USH2A: variants seen among roughly 807,000 people sequenced by gnomAD.
USH2A encodes Usher syndrome 2A (autosomal recessive, mild).
Under a neutral mutation model 538.9 loss-of-function variants are expected in USH2A, and 443 were observed. That is an observed-to-expected ratio of 0.82 (90% CI 0.76 to 0.89). The LOEUF is 0.89. Ranked by LOEUF, USH2A falls within the 40% of genes least tolerant of loss-of-function variation. The probability of loss-of-function intolerance (pLI) is 0.00; values close to 1 mark genes in which losing one functional copy is unlikely to be tolerated. For missense variants in USH2A, 6,633 were observed against 6,324.8 expected (o/e 1.05, Z -1.65); for synonymous variants, 2,413 against 2,273.5 (o/e 1.06, Z -1.75).
chr1:216,348,362 A>T (rs1031883189), intron 4 of USH2A, among the ~76,000 whole-genome samples: 1 of 152,138 alleles, frequency 6.6e-6, no homozygotes, highest in Non-Finnish European at 1.5e-5. Context: ...AACTGGTCAC[A>T]TTCTTTGTTT....
chr1:216,257,817 T>C (rs2036287504), intron 11 of USH2A, among the ~76,000 whole-genome samples: 1 of 152,060 alleles, frequency 6.6e-6, no homozygotes, highest in Non-Finnish European at 1.5e-5. Flanking sequence ...ATATATAACA[T>C]AAATGTTTTA....
chr1:215,760,687 C>T (rs571908518), intron 56 of USH2A, among the ~76,000 whole-genome samples: 10 of 152,268 alleles, frequency 6.6e-5, no homozygotes, highest in African/African-American at 1.9e-4. Context: ...ACAAAACACA[C>T]AAAAATAATG....
intron 58 of USH2A, among the ~76,000 whole-genome samples, chr1:215,756,181 A>G (rs1660789009): frequency 6.6e-6 from 1 of 152,182 alleles, no homozygotes; most frequent in Non-Finnish European, 1.5e-5. Context: ...TGTAGGTATC[A>G]TCATTATCTC....
chr1:216,037,150 G>A (rs1258877551), intron 32 of USH2A, among the ~76,000 whole-genome samples: 3 of 151,898 alleles, frequency 2.0e-5, no homozygotes, highest in Admixed American at 1.3e-4. Flanking sequence ...ATTAGGAAAC[G>A]AAAAGAAGTC....
intron 14 of USH2A, among the ~76,000 whole-genome samples, chr1:216,229,118 G>A (rs1340557340): frequency 2.0e-5 from 3 of 151,792 alleles, no homozygotes; most frequent in Non-Finnish European, 4.4e-5. Context: ...AGGTTGAAGT[G>A]AGCCGAGATC....
chr1:215,993,750 G>A (rs1162523941), intron 34 of USH2A, among the ~76,000 whole-genome samples: 1 of 152,146 alleles, frequency 6.6e-6, no homozygotes, highest in East Asian at 1.9e-4. Flanking sequence ...ATTTTTGAGT[G>A]AATGTTTAAT....
In USH2A at chr1:216,292,513, G is replaced by A. The variant is rs114399769; in HGVS notation, c.1645-143C>T. ...AATGATTTTATTTGAAAAATATTTCGTAAGTCAGAAATAGCATATTTACGG... is the reference window on the plus strand; with the variant it reads ...AATGATTTTATTTGAAAAATATTTCATAAGTCAGAAATAGCATATTTACGG... On this transcript the variant is annotated intron_variant, in intron 9 of 71. Transcript: ENST00000307340. 1.4e-3 allele frequency: 1,336 copies of A among 941,034 alleles called. 13 individuals are homozygous for A. In the African/African-American group the frequency reaches 0.019, roughly 14 times the overall value. 58.3% of individuals were successfully genotyped at this position (941,034 alleles called of 1,614,324 possible).
chr1:215,809,602 T>C (rs1410417228), intron 49 of USH2A, among the ~76,000 whole-genome samples: 4 of 152,090 alleles, frequency 2.6e-5, no homozygotes, highest in African/African-American at 9.7e-5. Flanking sequence ...GGCTTGAAAA[T>C]GTTTTCTCTC....
chr1:215,928,488 C>T (rs1353917077), intron 38 of USH2A, among the ~76,000 whole-genome samples: 3 of 152,010 alleles, frequency 2.0e-5, no homozygotes, highest in South Asian at 4.1e-4. Context: ...TGTACATATA[C>T]ACATACACAA....
Position 215,674,288 on chromosome 1 carries a change from C to T in USH2A, c.13623G>A (p.Gln4541=). The T allele has an allele frequency of 6.2e-7, 1 of 1,614,140 alleles. No homozygotes were observed. Among genetic ancestry groups the T allele is most frequent in the Non-Finnish European group, 8.5e-7 (1 of 1,180,024 alleles). Residue 4541 remains glutamine, a synonymous_variant, in exon 63 of 72, where the codon CAG becomes CAA. Coordinates refer to ENST00000307340, the MANE Select transcript of USH2A (RefSeq NM_206933.4). ...CTAAGATCTCCTGAGGACCCCTGGCCTGCAATTTTGGAGGTTCCATCCCTG... is the reference window on the plus strand; with the variant it reads ...CTAAGATCTCCTGAGGACCCCTGGCTTGCAATTTTGGAGGTTCCATCCCTG... ...APSGMEPPKL[Q]ARGPQEILVN...
intron 21 of USH2A, among the ~76,000 whole-genome samples, chr1:216,113,137 T>TAAAAA (rs71159901): frequency 3.2e-4 from 41 of 127,500 alleles, no homozygotes; most frequent in Non-Finnish European, 4.9e-4. Flanking sequence ...CTCCAAATGA[T>TAAAAA]AAAAAAAAAA....
intron 55 of USH2A, among the ~76,000 whole-genome samples, chr1:215,770,870 C>T (rs749900637): frequency 1.3e-4 from 18 of 142,130 alleles, no homozygotes; most frequent in East Asian, 2.1e-4. Context: ...TTTGGGAGGA[C>T]GAGGCGGGTG....
chr1:216,318,772 T>A (rs1571695895), intron 9 of USH2A, among the ~76,000 whole-genome samples: 1 of 152,142 alleles, frequency 6.6e-6, no homozygotes, highest in African/African-American at 2.4e-5. Flanking sequence ...CAACCCAAAT[T>A]ATAGTTAATT....
chr1:215,860,979 C>G, intron 44 of USH2A, among the ~76,000 whole-genome samples: 1 of 152,206 alleles, frequency 6.6e-6, no homozygotes, highest in Non-Finnish European at 1.5e-5. Flanking sequence ...ACCAACTAAG[C>G]AGCTCTTGGA....
intron 4 of USH2A, among the ~76,000 whole-genome samples, chr1:216,350,098 G>A (rs1338165867): frequency 6.6e-6 from 1 of 152,140 alleles, no homozygotes; most frequent in Non-Finnish European, 1.5e-5. Context: ...CAGGAGCAAA[G>A]TGGGAGGAGG....
At chr1:216,099,622 G>T (rs1447290494) in intron 21 of USH2A, among the ~76,000 whole-genome samples, 1 of 152,046 alleles carries the variant, frequency 6.6e-6, no homozygotes, top group East Asian at 1.9e-4. Context: ...AATAAGACAA[G>T]GACAGACAAG....
At chr1:216,325,107 C>T (rs1464653173) in intron 6 of USH2A, among the ~76,000 whole-genome samples, 198 bp downstream of exon 6, 1 of 152,080 alleles carries the variant, frequency 6.6e-6, no homozygotes, top group African/African-American at 2.4e-5. Flanking sequence ...CCAAGGGCCA[C>T]CAGGAGCTGC....
At position 215,655,423 on chromosome 1, in the gene USH2A, A is replaced by G. The variant is rs1657209062; in HGVS notation, c.14134-4622T>C. Among the ~76,000 whole-genome samples the G allele has an allele frequency of 2.0e-5, 3 of 152,154 alleles. No homozygotes were observed. The South Asian group carries it at 6.2e-4, about 32-fold the overall frequency. Reference sequence around the variant, plus strand: ...TTGTAGAACCACTTCTTGCCTCCTAATTTTCACTTAAGGAGTAATTTCTTG... The same window carrying G: ...TTGTAGAACCACTTCTTGCCTCCTAGTTTTCACTTAAGGAGTAATTTCTTG... On this transcript the variant is annotated intron_variant, in intron 64 of 71. Coordinates refer to ENST00000307340, the MANE Select transcript of USH2A (RefSeq NM_206933.4).
intron 70 of USH2A, among the ~76,000 whole-genome samples, chr1:215,630,527 T>TGTATGAGA (rs1553248493): frequency 1.9e-4 from 23 of 121,762 alleles, no homozygotes; most frequent in African/African-American, 8.0e-4. Context: ...TATATATATA[T>TGTATGAGA]GAGAGAGAGA....
Sources: allele counts gnomAD v4.1 joint callset (sites outside exome capture counted in the v4.1 genomes callset), GRCh38; gene constraint gnomAD v4.1.1; transcripts MANE v1.5; gene names NCBI Gene and HGNC (gene_info 2026-07-23, HGNC 2026-07-21).